KCTD1: variants seen among roughly 807,000 people sequenced by gnomAD.
The protein encoded by KCTD1 is potassium channel tetramerization domain containing 1, also known as BTB/POZ domain-containing protein KCTD1.
Under a neutral mutation model 66.0 loss-of-function variants are expected in KCTD1, and 24 were observed. The observed-to-expected ratio is 0.36, with a 90% CI of 0.26 to 0.51. The LOEUF is 0.51. Ranked by LOEUF, KCTD1 falls within the 20% of genes least tolerant of loss-of-function variation. The pLI is 0.95. For missense variants in KCTD1, 943 were observed against 1,205.2 expected (o/e 0.78, Z 3.22); for synonymous variants, 511 against 517.2 (o/e 0.99, Z 0.16).
chr18:26,561,892 C>G (rs4555225), intron 1 of KCTD1, among the ~76,000 whole-genome samples: 49,377 of 152,056 alleles, frequency 0.32, 9,192 homozygotes, highest in East Asian at 0.58. Flanking sequence ...CTGCTGAGGG[C>G]CTGGGGCTGC....
chr18:26,635,892 C>T lies in KCTD1; in HGVS notation c.-107+4419G>A, dbSNP rs1987713133. On this transcript the variant is annotated intron_variant, in intron 1 of 5. Transcript: ENST00000579973. ...GATAGGTTCTTTTATCATGAAGCCC[C>T]CCAACCAAAGACCATCAAGAACACA... is the stretch of plus-strand genomic sequence containing the variant. Among the ~76,000 whole-genome samples the T allele has an allele frequency of 2.6e-5, 4 of 152,114 alleles. No homozygotes were observed. The South Asian group carries it at 8.3e-4, about 32-fold the overall frequency.
intron 2 of KCTD1, among the ~76,000 whole-genome samples, chr18:26,483,301 C>A (rs1981744128): frequency 6.6e-6 from 1 of 152,146 alleles, no homozygotes; most frequent in Non-Finnish European, 1.5e-5. Flanking sequence ...GTGAGTCTCG[C>A]TCTATCACCC....
chr18:26,617,279 T>A (rs144681027), intron 1 of KCTD1, among the ~76,000 whole-genome samples: 40 of 152,316 alleles, frequency 2.6e-4, no homozygotes, highest in African/African-American at 9.1e-4. Context: ...ACTATTACAT[T>A]CAGGGTCAAG....
intron 1 of KCTD1, among the ~76,000 whole-genome samples, chr18:26,585,208 T>A (rs976245007): frequency 6.6e-6 from 1 of 152,148 alleles, no homozygotes; most frequent in African/African-American, 2.4e-5. Flanking sequence ...GAAGGTACAT[T>A]CCTTGTACAT....
At position 26,476,940 on chromosome 18, in the gene KCTD1, G is replaced by GTAA. The variant is rs144494888; in HGVS notation, c.1989-284_1989-282dup. ...GTGATTACGGCTAAGTGCTGTCACTGTAATGGAAGATCACATCTTTCCCCG... is the reference window on the plus strand; with the variant it reads ...GTGATTACGGCTAAGTGCTGTCACTGTAATAATGGAAGATCACATCTTTCCCCG... On this transcript the variant is annotated intron_variant, in intron 2 of 4. Coordinates refer to ENST00000580059, the MANE Select transcript of KCTD1 (RefSeq NM_001142730.3). The surrounding 1 kb of genome is among the most constrained non-coding windows in gnomAD (Gnocchi z 4.9). 1.6e-4 allele frequency: 50 copies of GTAA among 307,010 alleles called. No homozygotes were observed. In the East Asian group the frequency reaches 3.0e-3, roughly 19 times the overall value. The allele number at this position is 307,010 out of a possible 1,614,324, so 19.0% of individuals were successfully genotyped here.
chr18:26,611,742 T>C (rs1030837958), intron 1 of KCTD1, among the ~76,000 whole-genome samples: 1 of 152,226 alleles, frequency 6.6e-6, no homozygotes, highest in African/African-American at 2.4e-5. Flanking sequence ...ATAAGTCATA[T>C]TTTTCTGCTC....
intron 1 of KCTD1, among the ~76,000 whole-genome samples, chr18:26,654,354 T>C (rs1988088931): frequency 1.3e-5 from 2 of 152,144 alleles, no homozygotes; most frequent in South Asian, 2.1e-4. Flanking sequence ...TTCCTAATAC[T>C]TAAGTGGCAT....
intron 1 of KCTD1, among the ~76,000 whole-genome samples, chr18:26,513,833 T>C (rs1983483162): frequency 6.6e-6 from 1 of 152,178 alleles, no homozygotes; most frequent in Admixed American, 6.5e-5. Context: ...GGAGAACTGG[T>C]CATGAAATGA....
chr18:26,570,939 C>A lies in KCTD1; in HGVS notation c.-16+58208G>T, dbSNP rs150291990. On this transcript the variant is annotated intron_variant, in intron 1 of 4. Coordinates refer to the KCTD1 transcript ENST00000317932. ...ATATGCCGAGTATAACTCAATTAATCTCTGAGTTTGTTTCAGGCACTTCCA... is the reference window on the plus strand; with the variant it reads ...ATATGCCGAGTATAACTCAATTAATATCTGAGTTTGTTTCAGGCACTTCCA... Among the ~76,000 whole-genome samples, 35 of 152,308 alleles carry A rather than the reference C, an allele frequency of 2.3e-4. No homozygotes were observed. In the East Asian group the frequency reaches 6.2e-3, roughly 27 times the overall value.
chr18:26,471,533 A>G (rs1981061242), intron 3 of KCTD1, among the ~76,000 whole-genome samples: 1 of 152,086 alleles, frequency 6.6e-6, no homozygotes, highest in South Asian at 2.1e-4. Context: ...TACAGTTTTT[A>G]AAAAGTGTCA....
At chr18:26,626,097 A>G (rs772400916) in intron 1 of KCTD1, among the ~76,000 whole-genome samples, 7 of 151,896 alleles carry the variant, frequency 4.6e-5, no homozygotes, top group East Asian at 3.9e-4. Context: ...CAGTGAAGAC[A>G]TGGAAAGACA....
At chr18:26,533,582 C>T (rs1265135170) in intron 1 of KCTD1, among the ~76,000 whole-genome samples, 1 of 152,164 alleles carries the variant, frequency 6.6e-6, no homozygotes, top group Non-Finnish European at 1.5e-5. Context: ...TCACTGCAAC[C>T]TCCACCTCCC....
At chr18:26,517,819 G>A (rs1983731908) in intron 1 of KCTD1, among the ~76,000 whole-genome samples, 1 of 152,182 alleles carries the variant, frequency 6.6e-6, no homozygotes, top group Non-Finnish European at 1.5e-5. Context: ...TTTGCAAATT[G>A]CCCAGTCTCA....
chr18:26,515,509 CT>C (rs11389627), intron 1 of KCTD1, among the ~76,000 whole-genome samples: 71 of 133,074 alleles, frequency 5.3e-4, no homozygotes, highest in South Asian at 4.9e-4. Flanking sequence ...CCTCTTTTTT[CT>C]TTTTTTTTTT....
upstream of KCTD1, among the ~76,000 whole-genome samples, chr18:26,641,282 G>A (rs77719644): frequency 2.0e-5 from 3 of 152,070 alleles, no homozygotes; most frequent in South Asian, 2.1e-4. Flanking sequence ...CCCTTGTAGC[G>A]CCACGGTGCC....
chr18:26,613,384 C>A (rs1406114749), intron 1 of KCTD1, among the ~76,000 whole-genome samples: 2 of 152,194 alleles, frequency 1.3e-5, no homozygotes, highest in African/African-American at 4.8e-5. Flanking sequence ...ACCACCCAGC[C>A]TGTGAAGTAA....
At chr18:26,549,335 TCAGCCACATCCCTTTCGACTTTTCCAA>T (rs1373224995), upstream of KCTD1, 1 of 985,240 alleles carries the variant, frequency 1.0e-6, no homozygotes, top group African/African-American at 1.8e-5. Context: ...ACGCCCCACG[TCAGCCACATCCCTTTCGACTTTTCCAA>T]CAGCCACATT....
At chr18:26,569,475 A>G (rs1181905009) in intron 1 of KCTD1, among the ~76,000 whole-genome samples, 3 of 151,486 alleles carry the variant, frequency 2.0e-5, no homozygotes, top group African/African-American at 7.3e-5. Flanking sequence ...GAAAAGAAAC[A>G]CTTCCTACCT....
At chr18:26,558,747 C>A (rs1567993799) in intron 1 of KCTD1, among the ~76,000 whole-genome samples, 2 of 152,028 alleles carry the variant, frequency 1.3e-5, no homozygotes, top group East Asian at 1.9e-4. Flanking sequence ...CATGGTGAAA[C>A]CCCGTCTCTA....
Sources: allele counts gnomAD v4.1 joint callset (sites outside exome capture counted in the v4.1 genomes callset), GRCh38; gene constraint gnomAD v4.1.1; non-coding constraint Gnocchi (gnomAD v3.1); transcripts MANE v1.5; gene names NCBI Gene and HGNC (gene_info 2026-07-23, HGNC 2026-07-21).